The following SCN8A variants were observed in gnomAD, a reference collection of about 807,000 sequenced individuals.
SCN8A encodes the protein sodium channel protein type 8 subunit alpha.
A neutral mutation model predicts 184.1 loss-of-function variants in SCN8A; 30 were observed. The observed-to-expected ratio is 0.16, with a 90% CI of 0.12 to 0.22. The LOEUF is 0.22. Ranked by LOEUF, SCN8A falls within the 10% of genes least tolerant of loss-of-function variation. SCN8A has a pLI of 1.00. For missense variants in SCN8A, 1,057 were observed against 2,498.9 expected, an observed-to-expected ratio of 0.42 and a Z score of 12.30; for synonymous variants, 852 against 907.0, an observed-to-expected ratio of 0.94 and a Z score of 1.09.
chr12:51,714,703 C>T (rs961713400), intron 11 of SCN8A, among the ~76,000 whole-genome samples: 3 of 152,132 alleles, frequency 2.0e-5, no homozygotes, highest in Non-Finnish European at 4.4e-5. Context: ...TCCAAACATC[C>T]CAGTCATGTA....
rs1592140179 is a variant in SCN8A at position 51,745,885 on chromosome 12, C to T, written c.1999-18C>T. ...GACTTAACTCACTCTATTTGCTTTT[C>T]TTTTTTTTTTTTTAAAGGCTACAAC... is the stretch of plus-strand genomic sequence containing the variant. On this transcript the variant is annotated intron_variant, in intron 12 of 26. Coordinates refer to ENST00000627620, the MANE Select transcript of SCN8A (RefSeq NM_001330260.2). The T allele has an allele frequency of 6.5e-6, 8 of 1,227,362 alleles. No individual in the cohort carries two copies. The highest frequency in any genetic ancestry group is 1.6e-5 in the African/African-American group (1 of 63,188). 76.0% of individuals were successfully genotyped at this position (1,227,362 alleles called of 1,614,324 possible).
chr12:51,760,189 TC>T (rs1028298308), intron 14 of SCN8A, among the ~76,000 whole-genome samples: 2 of 152,248 alleles, frequency 1.3e-5, no homozygotes, highest in African/African-American at 4.8e-5. Flanking sequence ...ATGTAATTCT[TC>T]CCTTTCTCCT....
At chr12:51,782,384 T>A (rs1937950465) in intron 21 of SCN8A, among the ~76,000 whole-genome samples, 1 of 152,240 alleles carries the variant, frequency 6.6e-6, no homozygotes, top group Admixed American at 6.5e-5. Flanking sequence ...CCCTGCACCT[T>A]TGCATGTTTT....
At chr12:51,735,743 G>A (rs560766777) in intron 12 of SCN8A, among the ~76,000 whole-genome samples, 2 of 152,236 alleles carry the variant, frequency 1.3e-5, no homozygotes, top group East Asian at 1.9e-4. Context: ...GGCTGCAACC[G>A]GGGGGTCCTC....
intron 1 of SCN8A, among the ~76,000 whole-genome samples, chr12:51,628,019 TG>T (rs1324419521): frequency 6.6e-6 from 1 of 152,232 alleles, no homozygotes; most frequent in Non-Finnish European, 1.5e-5. Flanking sequence ...AATGAGAAAT[TG>T]GTATACAGAC....
At chr12:51,780,867 G>C in intron 21 of SCN8A, 96 bp downstream of exon 21, 1 of 1,318,442 alleles carries the variant, frequency 7.6e-7, no homozygotes, top group Non-Finnish European at 9.7e-7. Context: ...ATTCAAACAC[G>C]AATTCTGTGA....
At chr12:51,605,044 C>G (rs72644889) in intron 1 of SCN8A, among the ~76,000 whole-genome samples, 22,046 of 152,124 alleles carry the variant, frequency 0.14, 1,923 homozygotes, top group East Asian at 0.32. Flanking sequence ...TCCCCTCTTC[C>G]TTTCCATATG....
In SCN8A at chr12:51,807,443, T is replaced by A; in HGVS notation, c.*14T>A. 6.3e-7 allele frequency: 1 copy of A among 1,595,578 alleles called. No homozygotes were observed. The highest frequency in any genetic ancestry group is 2.3e-5 in the East Asian group (1 of 44,024). ...TCCAAGTGTTAGAGGAGAACAAAAA[T>A]TCAGTATTATACAGATCTAAAACTC... On this transcript the variant is annotated 3_prime_UTR_variant, in exon 27 of 27. Coordinates refer to ENST00000627620, the MANE Select transcript of SCN8A (RefSeq NM_001330260.2). This position sits in a 1 kb window ranked among gnomAD's most constrained non-coding sequence, Gnocchi z 4.5.
At chr12:51,744,447 A>G (rs1050387365) in intron 12 of SCN8A, among the ~76,000 whole-genome samples, 2 of 152,240 alleles carry the variant, frequency 1.3e-5, no homozygotes, top group East Asian at 1.9e-4. Flanking sequence ...ACCACAAGTC[A>G]TTCTTACATA....
chr12:51,772,796 C>T (rs562258888), intron 19 of SCN8A, among the ~76,000 whole-genome samples: 9 of 149,160 alleles, frequency 6.0e-5, no homozygotes, highest in South Asian at 2.1e-4. Flanking sequence ...CTGGCTAACA[C>T]GGTGAAACCC....
At chr12:51,712,927 C>G (rs1465735910) in intron 11 of SCN8A, 18 of 1,591,168 alleles carry the variant, frequency 1.1e-5, no homozygotes, top group Non-Finnish European at 1.5e-5. Flanking sequence ...AAAGCTTCCT[C>G]CGCAACCCAT....
At chr12:51,779,759 A>T (rs1428981302) in intron 20 of SCN8A, among the ~76,000 whole-genome samples, 1 of 152,238 alleles carries the variant, frequency 6.6e-6, no homozygotes, top group African/African-American at 2.4e-5. Context: ...TAGAAGATTG[A>T]CATGGAAATG....
chr12:51,731,718 C>T (rs1007202398), intron 12 of SCN8A, among the ~76,000 whole-genome samples: 6 of 152,048 alleles, frequency 3.9e-5, no homozygotes, highest in African/African-American at 1.4e-4. Context: ...TTCTCCACAT[C>T]CTCTCCAGCA....
intron 21 of SCN8A, among the ~76,000 whole-genome samples, chr12:51,782,684 C>T (rs954078691): frequency 2.0e-5 from 3 of 152,200 alleles, no homozygotes; most frequent in African/African-American, 4.8e-5. Context: ...TACTGTCACT[C>T]CTGTCCAGGC....
chr12:51,728,874 G>A (rs925164296), intron 12 of SCN8A, among the ~76,000 whole-genome samples: 4 of 151,896 alleles, frequency 2.6e-5, no homozygotes, highest in African/African-American at 9.7e-5. Flanking sequence ...CACACGAGAT[G>A]TCCCACTTTT....
At chr12:51,679,751 A>C (rs1022148083) in intron 2 of SCN8A, among the ~76,000 whole-genome samples, 1 of 97,222 alleles carries the variant, frequency 1.0e-5, no homozygotes, top group Non-Finnish European at 1.8e-5. Context: ...TTTGAGACGG[A>C]GTCTCGCTCT....
chr12:51,713,735 T>C, intron 11 of SCN8A: 1 of 337,328 alleles, frequency 3.0e-6, no homozygotes, highest in Non-Finnish European at 5.3e-6. Context: ...TTTTAATTGC[T>C]CTATTGCAGC....
intron 6 of SCN8A, among the ~76,000 whole-genome samples, chr12:51,692,900 T>C (rs979211288): frequency 1.3e-4 from 20 of 152,362 alleles, no homozygotes; most frequent in African/African-American, 4.8e-4. Flanking sequence ...TCTTTTCATT[T>C]CTGTCATTTA....
At chr12:51,762,763 A>T in intron 15 of SCN8A, 87 bp downstream of exon 15, 1 of 1,221,354 alleles carries the variant, frequency 8.2e-7, no homozygotes, top group Non-Finnish European at 1.1e-6. Flanking sequence ...TGATGATTTA[A>T]AAAATATATT....
Sources: gnomAD v4.1 joint callset for allele counts (sites outside exome capture counted in the v4.1 genomes callset) on GRCh38, gnomAD v4.1.1 for gene constraint, Gnocchi (gnomAD v3.1) non-coding constraint, MANE v1.5 for transcripts, NCBI Gene and HGNC (gene_info 2026-07-23, HGNC 2026-07-21) for gene names.